Variants in DNAJB6 observed in about 807,000 individuals in gnomAD.
DNAJB6 encodes the protein dnaJ homolog subfamily B member 6.
DNAJB6 carries 16 observed loss-of-function variants against 42.7 expected under a neutral mutation model. That is an observed-to-expected ratio of 0.37 (90% CI 0.25 to 0.57). The LOEUF is 0.57. Among genes scored for constraint, DNAJB6 ranks in the 20% least tolerant of loss-of-function variants. The pLI, the probability that DNAJB6 is intolerant of heterozygous loss-of-function variation, is 0.74. For missense variants in DNAJB6, 347 were observed against 416.8 expected (o/e 0.83, Z 1.46); for synonymous variants, 170 against 163.5 (o/e 1.04, Z -0.30).
In DNAJB6 at chr7:157,374,680, C is replaced by T. The variant is rs150641290; in HGVS notation, c.346+7197C>T. 7.9e-5 allele frequency among the ~76,000 whole-genome samples: 12 copies of T among 152,238 alleles called. 1 individual carries two copies. In the East Asian group the frequency reaches 1.7e-3, roughly 22 times the overall value. Reference sequence around the variant, plus strand: ...GTTTCAGGACCTTTGTTTCCTCTGACGTCCTCCCTTAAATAGGGAGAGGAA... The same window carrying T: ...GTTTCAGGACCTTTGTTTCCTCTGATGTCCTCCCTTAAATAGGGAGAGGAA... On this transcript the variant is annotated intron_variant, in intron 5 of 9. Coordinates refer to ENST00000262177, the MANE Select transcript of DNAJB6 (RefSeq NM_058246.4).
intron 8 of DNAJB6, among the ~76,000 whole-genome samples, chr7:157,398,285 C>A (rs1801691879): frequency 6.6e-6 from 1 of 152,192 alleles, no homozygotes; most frequent in Admixed American, 6.5e-5. Flanking sequence ...TCTGATGGGC[C>A]AGGCATGCAT....
chr7:157,378,773 A>G (rs901677538), intron 5 of DNAJB6: 1 of 152,232 alleles, frequency 6.6e-6, no homozygotes, highest in African/African-American at 2.4e-5. Flanking sequence ...TAAAAGCTTA[A>G]TACATACTTC....
At chr7:157,359,216 C>T (rs1240165978) in intron 2 of DNAJB6, among the ~76,000 whole-genome samples, 1 of 152,098 alleles carries the variant, frequency 6.6e-6, no homozygotes, top group Non-Finnish European at 1.5e-5. Context: ...CGTCATGAAA[C>T]AGATTGTTAG....
intron 5 of DNAJB6, among the ~76,000 whole-genome samples, chr7:157,373,571 G>A (rs1354666909): frequency 2.0e-5 from 3 of 152,166 alleles, no homozygotes; most frequent in Non-Finnish European, 4.4e-5. Context: ...GGCTAGTCTC[G>A]AACTTCTGAC....
At chr7:157,360,961 A>G (rs1799554159) in intron 2 of DNAJB6, among the ~76,000 whole-genome samples, 1 of 152,084 alleles carries the variant, frequency 6.6e-6, no homozygotes, top group Non-Finnish European at 1.5e-5. Context: ...TGATTTTTAA[A>G]TATTTTAGTA....
At chr7:157,384,757 G>A (rs1013892998) in intron 6 of DNAJB6, 110 bp from the exon 7 acceptor site, 5 of 1,088,342 alleles carry the variant, frequency 4.6e-6, no homozygotes, top group African/African-American at 3.2e-5. Context: ...ATTACTCCTC[G>A]GTTCTATGCC....
At chr7:157,362,437 C>T (rs748388148) in intron 2 of DNAJB6, among the ~76,000 whole-genome samples, 6 of 151,524 alleles carry the variant, frequency 4.0e-5, no homozygotes, top group African/African-American at 9.7e-5. Flanking sequence ...TGCAATGGTG[C>T]GATCTCGGCT....
At chr7:157,381,521 G>A (rs1385853826) in intron 5 of DNAJB6, 1 of 152,314 alleles carries the variant, frequency 6.6e-6, no homozygotes, top group East Asian at 1.9e-4. Flanking sequence ...ATTTCCAGGA[G>A]CACTTTGTGT....
At chr7:157,359,423 G>C (rs1799467282) in intron 2 of DNAJB6, among the ~76,000 whole-genome samples, 1 of 152,124 alleles carries the variant, frequency 6.6e-6, no homozygotes, top group Non-Finnish European at 1.5e-5. Context: ...ATGTTGCTCA[G>C]GCTGGTCTCA....
intron 8 of DNAJB6, among the ~76,000 whole-genome samples, chr7:157,409,281 G>C (rs1320068309): frequency 6.6e-6 from 1 of 152,202 alleles, no homozygotes; most frequent in Non-Finnish European, 1.5e-5. Context: ...CACTGGAGTG[G>C]CCGGGATGGC....
chr7:157,359,489 A>G (rs1799471866), intron 2 of DNAJB6, among the ~76,000 whole-genome samples: 1 of 152,170 alleles, frequency 6.6e-6, no homozygotes, highest in Non-Finnish European at 1.5e-5. Flanking sequence ...CTGCGGTTAT[A>G]TTTGTGAGCC....
chr7:157,366,285 A>G (rs192238517), intron 3 of DNAJB6, among the ~76,000 whole-genome samples: 59 of 152,324 alleles, frequency 3.9e-4, no homozygotes, highest in African/African-American at 1.4e-3. Context: ...ACTTGTAAAA[A>G]TTCAACATAC....
At chr7:157,410,110 C>G (rs1286885292) in intron 9 of DNAJB6, 109 bp downstream of exon 9, 1 of 1,419,268 alleles carries the variant, frequency 7.0e-7, no homozygotes, top group African/African-American at 1.5e-5. Flanking sequence ...CTGACCTGAG[C>G]GGGCGTGGGC....
At chr7:157,396,549 G>A (rs924477339) in intron 8 of DNAJB6, among the ~76,000 whole-genome samples, 1 of 152,182 alleles carries the variant, frequency 6.6e-6, no homozygotes, top group African/African-American at 2.4e-5. Flanking sequence ...TGCAGGGAGA[G>A]GGCCCCAGGA....
intron 1 of DNAJB6, among the ~76,000 whole-genome samples, chr7:157,356,085 C>T (rs947452634): frequency 6.6e-6 from 1 of 152,192 alleles, no homozygotes; most frequent in Admixed American, 6.5e-5. Flanking sequence ...CATTGAATGG[C>T]CTCTTGCTAT....
intron 1 of DNAJB6, among the ~76,000 whole-genome samples, chr7:157,353,840 T>C (rs1799135294): frequency 6.6e-6 from 1 of 151,920 alleles, no homozygotes; most frequent in Non-Finnish European, 1.5e-5. Context: ...TTAAATTTTT[T>C]TTTTGTTGCA....
At chr7:157,378,669 G>C (rs565316063) in intron 5 of DNAJB6, 1 of 152,202 alleles carries the variant, frequency 6.6e-6, no homozygotes, top group African/African-American at 2.4e-5. Context: ...TTAGTTCCAC[G>C]TTTTGGGATG....
chr7:157,348,967 T>A (rs1050696342), intron 1 of DNAJB6, among the ~76,000 whole-genome samples: 1 of 152,200 alleles, frequency 6.6e-6, no homozygotes, highest in African/African-American at 2.4e-5. Flanking sequence ...GTCAGTAAAA[T>A]GTCAGTGTTA....
At position 157,385,410 on chromosome 7, in the gene DNAJB6, G is replaced by C; in HGVS notation, c.621-131G>C. 4 of 973,068 alleles carry C rather than the reference G, an allele frequency of 4.1e-6. 1 individual carries two copies. In the South Asian group the frequency reaches 6.6e-5, roughly 16 times the overall value. 60.3% of individuals were successfully genotyped at this position (973,068 alleles called of 1,614,324 possible). A position where few individuals can be genotyped will look rare whatever the true frequency, so the allele number is the denominator to read the frequency against. ...ATGTGTTGTTGACAGGTTGGCTTCAGCCATGTTTTTACAGCCTGAAAATTA... is the reference window on the plus strand; with the variant it reads ...ATGTGTTGTTGACAGGTTGGCTTCACCCATGTTTTTACAGCCTGAAAATTA... On this transcript the variant is annotated intron_variant, in intron 7 of 9. Coordinates refer to ENST00000262177, the MANE Select transcript of DNAJB6 (RefSeq NM_058246.4).
Sources: allele counts gnomAD v4.1 joint callset (sites outside exome capture counted in the v4.1 genomes callset), GRCh38; gene constraint gnomAD v4.1.1; transcripts MANE v1.5; gene names NCBI Gene and HGNC (gene_info 2026-07-23, HGNC 2026-07-21).